Variants in ANXA8 observed in about 807,000 individuals in gnomAD.
The protein encoded by ANXA8 is VAC-beta.
ANXA8 carries 9 observed loss-of-function variants against 26.8 expected under a neutral mutation model. The observed-to-expected ratio is 0.34, with a 90% CI of 0.20 to 0.59. ANXA8 has a LOEUF of 0.59. Ranked by LOEUF, ANXA8 falls within the 20% of genes least tolerant of loss-of-function variation. ANXA8 has a pLI of 0.84. For missense variants in ANXA8, 83 were observed against 238.5 expected (o/e 0.35, Z 4.29); for synonymous variants, 39 against 94.8 (o/e 0.41, Z 3.42).
the ANXA8 span, chr10:47,760,861 C>T: frequency 7.1e-7 from 1 of 1,405,914 alleles, no homozygotes; most frequent in Non-Finnish European, 9.5e-7. Flanking sequence ...GGCCCACTCT[C>T]CACTGTGCAG....
the ANXA8 span, among the ~76,000 whole-genome samples, chr10:47,615,341 C>T: frequency 4.3e-5 from 3 of 69,582 alleles, 1 homozygote; most frequent in African/African-American, 1.3e-4. Context: ...AAAGTCATAA[C>T]AAAACAACAA....
chr10:47,665,963 G>A, the ANXA8 span, among the ~76,000 whole-genome samples: 2 of 151,916 alleles, frequency 1.3e-5, no homozygotes, highest in African/African-American at 2.4e-5. Context: ...TGTATAGCTG[G>A]TAGAAAGTTT....
the ANXA8 span, among the ~76,000 whole-genome samples, chr10:47,944,047 TG>T: frequency 1.4e-5 from 2 of 147,572 alleles, no homozygotes; most frequent in Non-Finnish European, 3.0e-5. Flanking sequence ...GGGCCGCTAT[TG>T]CAGAATGCCA....
At chr10:47,589,429 T>A in the ANXA8 span, 23 of 146,354 alleles carry the variant, frequency 1.6e-4, 3 homozygotes, top group African/African-American at 6.4e-4. Context: ...CTCTAGATCA[T>A]TCTCTCTCCA....
chr10:47,676,811 G>A, the ANXA8 span, among the ~76,000 whole-genome samples: 2 of 147,558 alleles, frequency 1.4e-5, no homozygotes, highest in South Asian at 2.1e-4. Context: ...CCAGCTACTC[G>A]GGAGGCTGAG....
At chr10:47,957,436 G>T in the ANXA8 span, among the ~76,000 whole-genome samples, 3 of 150,626 alleles carry the variant, frequency 2.0e-5, no homozygotes, top group African/African-American at 7.4e-5. Context: ...GGCCTCCAGG[G>T]CCCCACCTGA....
the ANXA8 span, among the ~76,000 whole-genome samples, chr10:47,670,778 AT>A: frequency 6.7e-6 from 1 of 150,356 alleles, no homozygotes; most frequent in Non-Finnish European, 1.5e-5. Context: ...TCAAATTTAG[AT>A]ACATGATTTT....
chr10:47,559,032 C>A, the ANXA8 span, among the ~76,000 whole-genome samples: 64 of 151,476 alleles, frequency 4.2e-4, no homozygotes, highest in Non-Finnish European at 8.5e-4. Flanking sequence ...GCTTTCCCTG[C>A]CTTTCAGAAC....
chr10:47,522,460 C>T, the ANXA8 span, among the ~76,000 whole-genome samples: 1 of 150,644 alleles, frequency 6.6e-6, no homozygotes, highest in African/African-American at 2.5e-5. Flanking sequence ...CATTTTATAC[C>T]TTTCACAATT....
At chr10:47,702,230 A>G in the ANXA8 span, among the ~76,000 whole-genome samples, 1 of 151,004 alleles carries the variant, frequency 6.6e-6, no homozygotes, top group African/African-American at 2.4e-5. Context: ...ACATACATAA[A>G]CATCTCCTAG....
the ANXA8 span, among the ~76,000 whole-genome samples, chr10:47,628,281 C>T: frequency 1.7e-4 from 26 of 152,212 alleles, no homozygotes; most frequent in Non-Finnish European, 2.4e-4. Context: ...TAATCATATA[C>T]GTACCTTTTT....
chr10:47,647,894 C>T, the ANXA8 span, among the ~76,000 whole-genome samples: 1 of 151,866 alleles, frequency 6.6e-6, no homozygotes. Flanking sequence ...AAGAAAATGA[C>T]TGCAAGATGA....
At chr10:47,551,773 A>G in the ANXA8 span, 6 of 395,344 alleles carry the variant, frequency 1.5e-5, no homozygotes, top group African/African-American at 1.3e-4. Flanking sequence ...TCCACACAGC[A>G]GACTGAACTG....
chr10:47,776,951 A>G, the ANXA8 span, among the ~76,000 whole-genome samples: 6 of 151,698 alleles, frequency 4.0e-5, no homozygotes, highest in African/African-American at 1.5e-4. Context: ...CTGCCTAGCC[A>G]GTGGAAACGG....
chr10:47,646,993 A>C, the ANXA8 span, among the ~76,000 whole-genome samples: 1 of 152,180 alleles, frequency 6.6e-6, no homozygotes, highest in Non-Finnish European at 1.5e-5. Context: ...GGTGTTGAAT[A>C]TTTCCTCTAT....
the ANXA8 span, among the ~76,000 whole-genome samples, chr10:47,497,631 A>C: frequency 1.9e-5 from 2 of 106,098 alleles, no homozygotes; most frequent in Non-Finnish European, 4.2e-5. Context: ...AAAAAAAAAA[A>C]CAACAACAAA....
the ANXA8 span, among the ~76,000 whole-genome samples, chr10:47,724,750 G>A: frequency 2.9e-5 from 4 of 140,254 alleles, 1 homozygote; most frequent in Admixed American, 1.4e-4. Context: ...TATATTCCAA[G>A]GGCTGTGTAG....
At position 47,468,798 on chromosome 10, in the gene ANXA8, A is replaced by G; in HGVS notation, c.*49T>C. 1 of 1,602,394 alleles carries G rather than the reference A, an allele frequency of 6.2e-7. No homozygotes were observed. The highest frequency in any genetic ancestry group is 8.5e-7 in the Non-Finnish European group (1 of 1,176,612). ...CGTCCATGGCCGAGGTTGAGTGAGGAGTCCTGGAGACTCTGGCTTCATGGT... is the reference window on the plus strand; with the variant it reads ...CGTCCATGGCCGAGGTTGAGTGAGGGGTCCTGGAGACTCTGGCTTCATGGT... On this transcript the variant is annotated 3_prime_UTR_variant, in exon 12 of 12. Transcript: ENST00000585281.
At chr10:47,744,061 A>G in the ANXA8 span, among the ~76,000 whole-genome samples, 5 of 148,252 alleles carry the variant, frequency 3.4e-5, no homozygotes, top group Non-Finnish European at 6.0e-5. Context: ...GGTCTAGGGG[A>G]AGGAGCGGAG....
Sources: allele counts gnomAD v4.1 joint callset (sites outside exome capture counted in the v4.1 genomes callset), GRCh38; gene constraint gnomAD v4.1.1; transcripts MANE v1.5; gene names NCBI Gene and HGNC (gene_info 2026-07-23, HGNC 2026-07-21).